The following FAT3 variants were observed in gnomAD, a reference collection of about 807,000 sequenced individuals.
The protein encoded by FAT3 is FAT atypical cadherin 3, also known as protocadherin Fat 3.
FAT3 carries 95 observed loss-of-function variants against 310.2 expected under a neutral mutation model. The observed-to-expected ratio is 0.31, with a 90% confidence interval of 0.26 to 0.36. FAT3 has a LOEUF of 0.36. Among genes scored for constraint, FAT3 ranks in the 10% least tolerant of loss-of-function variants. The probability of loss-of-function intolerance (pLI) is 1.00; values close to 1 mark genes in which losing one functional copy is unlikely to be tolerated. For synonymous variants in FAT3, 2,314 were observed against 2,192.9 expected (o/e 1.06, Z -1.54); for missense variants, 5,408 against 5,715.6 (o/e 0.95, Z 1.74).
chr11:92,300,896 A>G (rs903181577), intron 1 of FAT3, among the ~76,000 whole-genome samples: 2 of 152,094 alleles, frequency 1.3e-5, no homozygotes, highest in African/African-American at 4.8e-5. Context: ...AGTTTTTCAT[A>G]GTGTTTTCTT....
intron 1 of FAT3, among the ~76,000 whole-genome samples, chr11:92,323,015 C>T (rs1947664241): frequency 6.6e-6 from 1 of 151,986 alleles, no homozygotes; most frequent in Admixed American, 6.6e-5. Context: ...CCAGATTCAT[C>T]AGAGGAATCA....
At chr11:92,670,522 G>A (rs527656931) in intron 3 of FAT3, among the ~76,000 whole-genome samples, 1 of 152,194 alleles carries the variant, frequency 6.6e-6, no homozygotes, top group South Asian at 2.1e-4. Flanking sequence ...TTGTTAATGT[G>A]TCGAACTGCC....
chr11:92,592,098 G>A (rs188892772), intron 3 of FAT3, among the ~76,000 whole-genome samples: 5 of 152,020 alleles, frequency 3.3e-5, no homozygotes, highest in Non-Finnish European at 7.4e-5. Flanking sequence ...ACGATGAGGT[G>A]GGGGTGGTGG....
intron 1 of FAT3, among the ~76,000 whole-genome samples, chr11:92,259,756 A>G (rs920591698): frequency 3.9e-5 from 6 of 152,226 alleles, no homozygotes; most frequent in African/African-American, 1.4e-4. Context: ...ATAAATTGGA[A>G]GGAAACCAGA....
chr11:92,448,923 AGG>A (rs2068810765), intron 2 of FAT3, among the ~76,000 whole-genome samples: 1 of 152,178 alleles, frequency 6.6e-6, no homozygotes, highest in Non-Finnish European at 1.5e-5. Context: ...GAAATTCCAA[AGG>A]GCAGCATGGG....
intron 13 of FAT3, among the ~76,000 whole-genome samples, chr11:92,820,654 A>G (rs907526041): frequency 2.0e-5 from 3 of 152,140 alleles, no homozygotes; most frequent in Admixed American, 6.5e-5. Flanking sequence ...GAGCTTCCAG[A>G]TGAGACTGCA....
intron 3 of FAT3, among the ~76,000 whole-genome samples, chr11:92,597,966 A>T (rs1253622604): frequency 1.3e-5 from 2 of 152,034 alleles, no homozygotes; most frequent in African/African-American, 4.8e-5. Flanking sequence ...CATATTGAAG[A>T]TTCTGATGGG....
At chr11:92,481,449 A>C (rs984882970) in intron 2 of FAT3, among the ~76,000 whole-genome samples, 7 of 152,166 alleles carry the variant, frequency 4.6e-5, no homozygotes, top group African/African-American at 9.7e-5. Flanking sequence ...AGTATTACCT[A>C]TATCAGTGAA....
At chr11:92,732,768 A>G (rs911986715) in intron 4 of FAT3, among the ~76,000 whole-genome samples, 1 of 152,232 alleles carries the variant, frequency 6.6e-6, no homozygotes, top group African/African-American at 2.4e-5. Context: ...TAGAGAACCC[A>G]TTACTTTCCA....
rs1302581202 is a variant in FAT3 at position 92,772,418 on chromosome 11, C to G, written c.4196-1623C>G. On this transcript the variant is annotated intron_variant, in intron 6 of 27. Transcript: ENST00000525166. ...TTTTCAAGACACTCAAATCAGCCTT[C>G]CATTTTATTTCATGTTGTTATCAAC... Among the ~76,000 whole-genome samples, 3 of 152,058 alleles carry G rather than the reference C, an allele frequency of 2.0e-5. No individual in the cohort carries two copies. The East Asian group carries it at 5.8e-4, about 29-fold the overall frequency.
intron 1 of FAT3, among the ~76,000 whole-genome samples, chr11:92,349,817 TA>T (rs1341330356): frequency 6.6e-6 from 1 of 152,190 alleles, no homozygotes; most frequent in East Asian, 1.9e-4. Flanking sequence ...TTAATGCCTG[TA>T]AAGTCCCTAA....
intron 3 of FAT3, among the ~76,000 whole-genome samples, chr11:92,526,497 C>G (rs1953869260): frequency 6.6e-6 from 1 of 152,054 alleles, no homozygotes; most frequent in Non-Finnish European, 1.5e-5. Context: ...AGGCCCAGCA[C>G]CCTTTTTTTA....
intron 1 of FAT3, among the ~76,000 whole-genome samples, chr11:92,250,613 G>T (rs1459201288): frequency 2.0e-5 from 3 of 152,030 alleles, no homozygotes; most frequent in African/African-American, 2.4e-5. Flanking sequence ...TACATCAGAA[G>T]GGAAAAAGAA....
At chr11:92,378,933 C>G (rs574046595) in intron 2 of FAT3, among the ~76,000 whole-genome samples, 1 of 152,304 alleles carries the variant, frequency 6.6e-6, no homozygotes, top group Non-Finnish European at 1.5e-5. Flanking sequence ...GACTGCTGCC[C>G]TGTGATCTAA....
intron 3 of FAT3, among the ~76,000 whole-genome samples, chr11:92,559,064 T>TGAGG (rs145079902): frequency 0.012 from 1,854 of 152,274 alleles, 43 homozygotes; most frequent in African/African-American, 0.042. Flanking sequence ...ATTTAAGAGG[T>TGAGG]GAGGAAATTG....
intron 1 of FAT3, among the ~76,000 whole-genome samples, chr11:92,338,459 C>A (rs542507127): frequency 2.6e-5 from 4 of 152,164 alleles, no homozygotes; most frequent in African/African-American, 9.6e-5. Flanking sequence ...GGGGATTGTG[C>A]TTGATTTCAC....
At chr11:92,384,120 CTCCTTCT>C (rs1949565158) in intron 2 of FAT3, among the ~76,000 whole-genome samples, 2 of 152,146 alleles carry the variant, frequency 1.3e-5, no homozygotes, top group Middle Eastern at 3.2e-3. Flanking sequence ...TAATACTAGC[CTCCTTCT>C]TTGTGTGATG....
In FAT3 at chr11:92,698,380, C is replaced by T. The variant is rs16917944; in HGVS notation, c.3669+935C>T. On this transcript the variant is annotated intron_variant, in intron 4 of 27. Coordinates refer to ENST00000525166, the MANE Select transcript of FAT3 (RefSeq NM_001367949.2). ...CAGTCATGATTTATTTAAAGAACAC[C>T]GGACTAGGAATCAGGCTACCTGGGT... 6.7e-3 allele frequency among the ~76,000 whole-genome samples: 1,018 copies of T among 152,222 alleles called. 8 individuals are homozygous for T. The highest frequency in any genetic ancestry group is 0.023 in the African/African-American group (959 of 41,512).
At chr11:92,294,903 G>C (rs1591066927) in intron 1 of FAT3, among the ~76,000 whole-genome samples, 1 of 152,172 alleles carries the variant, frequency 6.6e-6, no homozygotes, top group East Asian at 1.9e-4. Flanking sequence ...ATCATTGAAA[G>C]ATTTAGTAGT....
Sources: allele counts gnomAD v4.1 joint callset (sites outside exome capture counted in the v4.1 genomes callset), GRCh38; gene constraint gnomAD v4.1.1; transcripts MANE v1.5; gene names NCBI Gene and HGNC (gene_info 2026-07-23, HGNC 2026-07-21).